TSHZ2: variants seen among roughly 807,000 people sequenced by gnomAD.
TSHZ2 encodes teashirt homolog 2.
In TSHZ2, 21 loss-of-function variants were observed where a neutral mutation model predicts 74.4. The observed-to-expected ratio is 0.28, with a 90% CI of 0.20 to 0.41. The LOEUF (loss-of-function observed/expected upper bound fraction) is 0.41, where lower values mean the gene tolerates loss of function less well. TSHZ2 is among the 10% of genes least tolerant of loss of function. The pLI, the probability that TSHZ2 is intolerant of heterozygous loss-of-function variation, is 1.00. For synonymous variants in TSHZ2, 540 were observed against 515.3 expected (o/e 1.05, Z -0.65); for missense variants, 1,244 against 1,293.5 (o/e 0.96, Z 0.59).
chr20:53,351,633 C>G (rs1980649518), intron 2 of TSHZ2, among the ~76,000 whole-genome samples: 1 of 152,330 alleles, frequency 6.6e-6, no homozygotes, highest in East Asian at 1.9e-4. Context: ...TATTCAAACA[C>G]TAACCTAGGT....
chr20:53,030,765 G>A (rs777810207), intron 1 of TSHZ2, among the ~76,000 whole-genome samples: 1 of 152,152 alleles, frequency 6.6e-6, no homozygotes, highest in Non-Finnish European at 1.5e-5. Flanking sequence ...TTGGACTACA[G>A]CCTTTCAAAA....
intron 1 of TSHZ2, among the ~76,000 whole-genome samples, chr20:53,181,414 T>C (rs907958392): frequency 2.0e-5 from 3 of 152,172 alleles, no homozygotes; most frequent in African/African-American, 7.2e-5. Context: ...TCTAAATAGA[T>C]TCTGTTTCTG....
At chr20:53,363,443 T>C (rs553149943) in intron 2 of TSHZ2, among the ~76,000 whole-genome samples, 1 of 152,204 alleles carries the variant, frequency 6.6e-6, no homozygotes, top group Non-Finnish European at 1.5e-5. Context: ...AAGGAGCATA[T>C]CATTGGGATA....
At chr20:53,111,554 T>G (rs1322880690) in intron 1 of TSHZ2, among the ~76,000 whole-genome samples, 1 of 152,122 alleles carries the variant, frequency 6.6e-6, no homozygotes, top group Non-Finnish European at 1.5e-5. Flanking sequence ...GAAAAGCAAG[T>G]CAGGTGGCCC....
chr20:53,417,211 G>A (rs977238950), intron 2 of TSHZ2, among the ~76,000 whole-genome samples: 5 of 146,772 alleles, frequency 3.4e-5, no homozygotes, highest in Non-Finnish European at 7.4e-5. Flanking sequence ...CATCCCTGAG[G>A]ATATCTATAT....
chr20:53,242,039 G>A (rs1033509061), intron 1 of TSHZ2, among the ~76,000 whole-genome samples: 2 of 152,106 alleles, frequency 1.3e-5, no homozygotes, highest in Admixed American at 1.3e-4. Flanking sequence ...TCTCTGTGCA[G>A]ACCCTTGCTT....
intron 1 of TSHZ2, among the ~76,000 whole-genome samples, chr20:53,156,275 CAT>C (rs556944451): frequency 4.7e-4 from 71 of 152,264 alleles, no homozygotes; most frequent in Admixed American, 3.7e-3. Flanking sequence ...TTTAAGAAAA[CAT>C]ATGTCTCTGT....
chr20:53,451,003 C>G (rs536614858), intron 2 of TSHZ2, among the ~76,000 whole-genome samples: 2 of 152,214 alleles, frequency 1.3e-5, no homozygotes, highest in South Asian at 2.1e-4. Context: ...ATCTTCCTCT[C>G]CCAGATTAAA....
intron 1 of TSHZ2, among the ~76,000 whole-genome samples, chr20:53,018,495 G>A (rs747491403): frequency 1.2e-4 from 18 of 152,154 alleles, no homozygotes; most frequent in Non-Finnish European, 2.2e-4. Context: ...GGGAGGGCAG[G>A]ACAGCAGATA....
rs78057857 is a variant in TSHZ2, at chr20:53,183,421, C to T, written c.41-70078C>T. Among the ~76,000 whole-genome samples the T allele has an allele frequency of 6.4e-4, 97 of 152,242 alleles. 1 individual carries two copies. Among genetic ancestry groups the T allele is most frequent in the African/African-American group, 2.0e-3 (83 of 41,540 alleles). On this transcript the variant is annotated intron_variant, in intron 1 of 2. Transcript: ENST00000371497. ...TAGCCTGGCCCATTCCCTTTGCCTG[C>T]GGTATTTACAGTAACCCACATGCAG...
rs116505968 is a variant in TSHZ2, at chr20:53,161,708, C to G, written c.41-91791C>G. On this transcript the variant is annotated intron_variant, in intron 1 of 2. Coordinates refer to ENST00000371497, the MANE Select transcript of TSHZ2 (RefSeq NM_173485.6). ...TGAGAACAGCATGAAGGAATCCGCC[C>G]GCATGATACCATCACCTCCCACCAG... Among the ~76,000 whole-genome samples the G allele has an allele frequency of 1.3e-5, 2 of 152,144 alleles. 1 individual carries two copies. Among genetic ancestry groups the G allele is most frequent in the South Asian group, 4.1e-4 (2 of 4,822 alleles).
intron 1 of TSHZ2, among the ~76,000 whole-genome samples, chr20:53,047,399 G>T (rs983576235): frequency 3.9e-5 from 6 of 152,166 alleles, no homozygotes; most frequent in African/African-American, 1.4e-4. Context: ...GATGGTCCAA[G>T]ATGGCTGCCC....
At chr20:53,230,683 G>A (rs2123669413) in intron 1 of TSHZ2, among the ~76,000 whole-genome samples, 1 of 152,236 alleles carries the variant, frequency 6.6e-6, no homozygotes. Context: ...ATGAGGTCAG[G>A]AGTTTGAGAC....
At chr20:53,073,161 C>T (rs1985243347) in intron 1 of TSHZ2, among the ~76,000 whole-genome samples, 1 of 150,434 alleles carries the variant, frequency 6.6e-6, no homozygotes, top group Non-Finnish European at 1.5e-5. Context: ...TCCATCCCTC[C>T]ATTCCTTCAT....
intron 2 of TSHZ2, among the ~76,000 whole-genome samples, chr20:53,298,294 AAAATAAACAC>A (rs1171339209): frequency 3.3e-5 from 5 of 152,346 alleles, no homozygotes; most frequent in African/African-American, 1.2e-4. Context: ...CACGTAAACA[AAAATAAACAC>A]AAAATAATTT....
chr20:53,269,803 A>G (rs1990795841), intron 2 of TSHZ2, among the ~76,000 whole-genome samples: 2 of 151,956 alleles, frequency 1.3e-5, no homozygotes, highest in African/African-American at 4.8e-5. Flanking sequence ...ATAATAAAAA[A>G]AAAAGAAAAG....
chr20:53,288,371 A>G (rs1356179905), intron 2 of TSHZ2, among the ~76,000 whole-genome samples: 1 of 150,830 alleles, frequency 6.6e-6, no homozygotes, highest in Non-Finnish European at 1.5e-5. Flanking sequence ...ACCACTGCAC[A>G]CTGCACTCCA....
At chr20:53,339,496 C>T (rs1175273723) in intron 2 of TSHZ2, among the ~76,000 whole-genome samples, 1 of 152,232 alleles carries the variant, frequency 6.6e-6, no homozygotes. Flanking sequence ...CCTTCTCACA[C>T]TGGGGCACGT....
chr20:53,093,436 G>A (rs1985946506), intron 1 of TSHZ2, among the ~76,000 whole-genome samples: 1 of 152,162 alleles, frequency 6.6e-6, no homozygotes, highest in African/African-American at 2.4e-5. Context: ...CTTTCACTAT[G>A]GCCTGATCTA....
Sources: allele counts gnomAD v4.1 joint callset (sites outside exome capture counted in the v4.1 genomes callset), GRCh38; gene constraint gnomAD v4.1.1; transcripts MANE v1.5; gene names NCBI Gene and HGNC (gene_info 2026-07-23, HGNC 2026-07-21).